Variants in COL6A2 observed in about 807,000 individuals in gnomAD.
COL6A2 encodes collagen type VI alpha 2 chain, also known as collagen alpha-2(VI) chain.
A neutral mutation model predicts 124.9 loss-of-function variants in COL6A2; 90 were observed. The observed-to-expected ratio is 0.72, with a 90% confidence interval of 0.61 to 0.86. The LOEUF (loss-of-function observed/expected upper bound fraction) is 0.86. Ranked by LOEUF, COL6A2 falls within the 40% of genes least tolerant of loss-of-function variation. The pLI is 0.00. For synonymous variants in COL6A2, 793 were observed against 618.2 expected, an observed-to-expected ratio of 1.28 and a Z score of -4.19; for missense variants, 1,607 against 1,502.5, an observed-to-expected ratio of 1.07 and a Z score of -1.15.
chr21:46,132,846 C>T lies in COL6A2; in HGVS notation c.*294C>T, dbSNP rs1468132280. Reference sequence around the variant, plus strand: ...CCCTGACCCAATAAAGGCTTTGAACCCATTGCGTGCCTGCTTGCGAGCTTC... The same window carrying T: ...CCCTGACCCAATAAAGGCTTTGAACTCATTGCGTGCCTGCTTGCGAGCTTC... On this transcript the variant is annotated 3_prime_UTR_variant, in exon 28 of 28. Coordinates refer to ENST00000300527, the MANE Select transcript of COL6A2 (RefSeq NM_001849.4). 1 of 498,278 alleles carries T rather than the reference C, an allele frequency of 2.0e-6. No individual in the cohort carries two copies. Among genetic ancestry groups the T allele is most frequent in the Non-Finnish European group, 3.7e-6 (1 of 273,392 alleles). 30.9% of individuals were successfully genotyped at this position (498,278 alleles called of 1,614,324 possible). A position where few individuals can be genotyped will look rare whatever the true frequency, so the allele number is the denominator to read the frequency against.
chr21:46,114,905 T>G (rs1419583065), intron 5 of COL6A2, among the ~76,000 whole-genome samples: 1 of 152,236 alleles, frequency 6.6e-6, no homozygotes, highest in Non-Finnish European at 1.5e-5. Context: ...AATAAGGAAT[T>G]GACCATCATA....
intron 27 of COL6A2, 76 bp downstream of exon 27, chr21:46,126,617 C>A: frequency 6.4e-7 from 1 of 1,570,936 alleles, no homozygotes; most frequent in Non-Finnish European, 8.7e-7. Context: ...GAGGGCCGGG[C>A]TGGGGGAGGG....
rs2078777284 is a variant in COL6A2 at position 46,132,562 on chromosome 21, C to A, written c.*10C>A. 6.3e-7 allele frequency: 1 copy of A among 1,585,558 alleles called. No individual in the cohort carries two copies. Among genetic ancestry groups the A allele is most frequent in the South Asian group, 1.1e-5 (1 of 88,810 alleles). On this transcript the variant is annotated 3_prime_UTR_variant, in exon 28 of 28. Transcript: ENST00000300527. ...CCGCTGGATCTGCTAGCGCCGCCGC[C>A]CGGGCCCCGCAGTCGAGGGTCGTGA...
Position 46,105,910 on chromosome 21 carries a change from A to C in COL6A2, c.-27-5540A>C, listed in dbSNP as rs137973907. 2.1e-3 allele frequency among the ~76,000 whole-genome samples: 326 copies of C among 152,348 alleles called. 2 individuals are homozygous for C. The highest frequency in any genetic ancestry group is 7.5e-3 in the African/African-American group (313 of 41,582). ...AGATGTAAATGGATTAAACTCTCCA[A>C]ACTCTCTCTGTTAAAAGACAGAGAT... On this transcript the variant is annotated intron_variant, in intron 1 of 27. Transcript: ENST00000300527.
intron 20 of COL6A2, 125 bp from the exon 21 acceptor site, chr21:46,122,750 C>A: frequency 1.8e-6 from 2 of 1,097,704 alleles, no homozygotes; most frequent in South Asian, 1.3e-5. Context: ...GCAAAAAAAC[C>A]ACATAGATGC....
intron 23 of COL6A2, 38 bp from the exon 24 acceptor site, chr21:46,125,228 C>T (rs766451889): frequency 1.2e-6 from 2 of 1,600,966 alleles, no homozygotes; most frequent in Non-Finnish European, 1.7e-6. Context: ...TCTTCTGGGG[C>T]CCCGGGGGGA....
At position 46,132,544 on chromosome 21, in the gene COL6A2, A is replaced by C. The variant is rs1432487964; in HGVS notation, c.3052A>C (p.Ile1018Leu). The change falls in exon 28 of 28, where the codon ATC (isoleucine) becomes CTC (leucine). Residue 1018 changes from isoleucine to leucine, a missense_variant. Around this residue, in one of 3 missense-constraint regions of COL6A2, gnomAD observed 1,223 missense variants for 1,052.2 expected, o/e 1.16. Transcript: ENST00000300527. Reference sequence around the variant, plus strand: ...CTTCTTCGACCGCTTCATCCGCTGGATCTGCTAGCGCCGCCGCCCGGGCCC... The same window carrying C: ...CTTCTTCGACCGCTTCATCCGCTGGCTCTGCTAGCGCCGCCGCCCGGGCCC... ...PGFFDRFIRW[I>L]C 6.2e-7 allele frequency: 1 copy of C among 1,601,600 alleles called. No homozygotes were observed. Among genetic ancestry groups the C allele is most frequent in the Non-Finnish European group, 8.5e-7 (1 of 1,178,178 alleles).
intron 27 of COL6A2, among the ~76,000 whole-genome samples, chr21:46,130,849 C>T (rs1164011732): frequency 6.6e-6 from 1 of 152,324 alleles, no homozygotes; most frequent in African/African-American, 2.4e-5. Context: ...TGAGCTGCGT[C>T]ACTCATAAGC....
intron 11 of COL6A2, 147 bp from the exon 12 acceptor site, chr21:46,117,727 G>C (rs2078494960): frequency 1.1e-6 from 1 of 870,106 alleles, no homozygotes; most frequent in Non-Finnish European, 1.8e-6. Context: ...AGCAGATCCA[G>C]GCCTGGCCTC....
chr21:46,126,549 A>G lies in COL6A2; in HGVS notation c.2461+8A>G. On this transcript the variant is annotated splice_region_variant and intron_variant, in intron 27 of 27. Transcript: ENST00000300527. ...ACCTTCCCTGCCAAACAGGTAATGC[A>G]GGGCACCCTGAGCCACCACCCCAGA... 6.2e-7 allele frequency: 1 copy of G among 1,613,352 alleles called. No individual in the cohort carries two copies. The highest frequency in any genetic ancestry group is 1.1e-5 in the South Asian group (1 of 91,082).
At position 46,131,941 on chromosome 21, in the gene COL6A2, C is replaced by T. The variant is rs533454494; in HGVS notation, c.2462-13C>T. The T allele has an allele frequency of 7.2e-5, 114 of 1,585,494 alleles. No homozygotes were observed. Among genetic ancestry groups the T allele is most frequent in the South Asian group, 3.7e-4 (32 of 87,558 alleles). On this transcript the variant is annotated splice_polypyrimidine_tract_variant and intron_variant, in intron 27 of 27. Transcript: ENST00000300527. ...CTCCCCTCCGCCCAGCCCGCACCTG[C>T]GTCTCCCCACAGAGCTGTCCGTGGC...
rs921924658 is a variant in COL6A2, at chr21:46,112,427, C to G, written c.564C>G (p.Phe188Leu). The part of the protein sequence containing the change: ...ERAREEGIRL[F>L]AVAPNQNLKE... Reference sequence around the variant, plus strand: ...CCCGCGAGGAGGGCATCCGGCTCTTCGCCGTGGCCCCCAACCAGAACCTGA... The same window carrying G: ...CCCGCGAGGAGGGCATCCGGCTCTTGGCCGTGGCCCCCAACCAGAACCTGA... The change falls in exon 3 of 28, where the codon TTC becomes TTG. Residue 188 changes from phenylalanine (F) to leucine (L), a missense_variant. Phe to Leu is a conservative substitution (Grantham distance 22, BLOSUM62 0). Coordinates refer to ENST00000300527, the MANE Select transcript of COL6A2 (RefSeq NM_001849.4). 5 of 1,609,142 alleles carry G rather than the reference C, an allele frequency of 3.1e-6. No homozygotes were observed. Among genetic ancestry groups the G allele is most frequent in the Non-Finnish European group, 3.4e-6 (4 of 1,179,504 alleles).
At chr21:46,108,092 CTA>C (rs528212423) in intron 1 of COL6A2, among the ~76,000 whole-genome samples, 77 of 145,566 alleles carry the variant, frequency 5.3e-4, no homozygotes, top group African/African-American at 1.3e-3. Context: ...TTCTCTCTGT[CTA>C]TATATATATA....
At chr21:46,131,208 G>GTGTCC (rs745538961) in intron 27 of COL6A2, among the ~76,000 whole-genome samples, 5 of 152,220 alleles carry the variant, frequency 3.3e-5, no homozygotes, top group Admixed American at 1.3e-4. Context: ...AGGACTGTCC[G>GTGTCC]TGTCCTGTCC....
At chr21:46,111,367 C>T (rs2123612275) in intron 1 of COL6A2, 83 bp from the exon 2 acceptor site, 1 of 751,506 alleles carries the variant, frequency 1.3e-6, no homozygotes, top group East Asian at 2.7e-5. Context: ...TCCCGCTGAC[C>T]TGCTGTGCGT....
rs143168888 is a variant in COL6A2 at position 46,132,150 on chromosome 21, C to T, written c.2658C>T (p.Gly886=). Residue 886 remains glycine, a synonymous_variant, in exon 28 of 28, where the codon GGC becomes GGT. Transcript: ENST00000300527. ...RVALLQFGGP[G]EQQVAFPLSH... Reference sequence around the variant, plus strand: ...CGCTGCTGCAGTTTGGTGGCCCCGGCGAGCAGCAGGTGGCCTTCCCGCTGA... The same window carrying T: ...CGCTGCTGCAGTTTGGTGGCCCCGGTGAGCAGCAGGTGGCCTTCCCGCTGA... 9.7e-5 allele frequency: 153 copies of T among 1,570,150 alleles called. No individual in the cohort carries two copies. The highest frequency in any genetic ancestry group is 9.1e-4 in the African/African-American group (67 of 73,820).
chr21:46,125,850 G>A lies in COL6A2; in HGVS notation c.2035G>A (p.Glu679Lys), dbSNP rs763502626. The A allele has an allele frequency of 1.9e-5, 31 of 1,612,854 alleles. No homozygotes were observed. Among genetic ancestry groups the A allele is most frequent in the Non-Finnish European group, 2.5e-5 (29 of 1,179,986 alleles). The change falls in exon 26 of 28, where the codon GAA becomes AAA. Residue 679 changes from glutamate to lysine, a missense_variant. Around this residue, in one of 3 missense-constraint regions of COL6A2, gnomAD observed 1,223 missense variants for 1,052.2 expected, o/e 1.16. Coordinates refer to ENST00000300527, the MANE Select transcript of COL6A2 (RefSeq NM_001849.4). ...GTFEAIQLDDERIDSLSSFKE... is the reference protein window; with the variant it reads ...GTFEAIQLDDKRIDSLSSFKE... ...CTTTGAGGCCATCCAGCTGGACGAC[G>A]AACGTATCGACTCCCTGTCGAGCTT...
intron 1 of COL6A2, among the ~76,000 whole-genome samples, chr21:46,106,306 G>T (rs1300549872): frequency 6.6e-6 from 1 of 152,152 alleles, no homozygotes; most frequent in African/African-American, 2.4e-5. Context: ...TGTAATGATG[G>T]TCATATGTGG....
intron 27 of COL6A2, among the ~76,000 whole-genome samples, chr21:46,127,023 G>A (rs1015549681): frequency 1.3e-5 from 2 of 152,116 alleles, no homozygotes; most frequent in Non-Finnish European, 2.9e-5. Flanking sequence ...CACATCTCTG[G>A]GAGTGGGGGA....
Sources: allele counts gnomAD v4.1 joint callset (sites outside exome capture counted in the v4.1 genomes callset), GRCh38; gene constraint gnomAD v4.1.1; regional missense constraint gnomAD v4.1.1; transcripts MANE v1.5; gene names NCBI Gene and HGNC (gene_info 2026-07-23, HGNC 2026-07-21).